PTPRT: variants seen among roughly 807,000 people sequenced by gnomAD.
PTPRT encodes protein tyrosine phosphatase receptor type T.
A neutral mutation model predicts 176.8 loss-of-function variants in PTPRT; 56 were observed. The ratio of observed to expected loss-of-function variants is 0.32; its 90% CI spans 0.26 to 0.40. The LOEUF (loss-of-function observed/expected upper bound fraction) is 0.40, where lower values mean the gene tolerates loss of function less well. PTPRT is among the 10% of genes least tolerant of loss of function. The pLI, the probability that PTPRT is intolerant of heterozygous loss-of-function variation, is 1.00. For missense variants in PTPRT, 1,540 were observed against 1,908.2 expected (o/e 0.81, Z 3.60); for synonymous variants, 783 against 739.0 (o/e 1.06, Z -0.96).
chr20:42,791,133 G>A (rs2077368199), intron 3 of PTPRT, 62 bp downstream of exon 3: 2 of 1,515,170 alleles, frequency 1.3e-6, no homozygotes, highest in South Asian at 2.7e-5. Flanking sequence ...CCTGTAGGGA[G>A]AGCAAAGGTG....
chr20:43,106,658 CAAAAAAAG>C (rs2012617481), intron 1 of PTPRT, among the ~76,000 whole-genome samples: 1 of 13,852 alleles, frequency 7.2e-5, no homozygotes, highest in African/African-American at 3.0e-4. Flanking sequence ...GACTCCATCT[CAAAAAAAG>C]AAAAAAAAAA....
intron 1 of PTPRT, among the ~76,000 whole-genome samples, chr20:43,069,034 A>G (rs2011148222): frequency 1.3e-5 from 2 of 152,186 alleles, no homozygotes; most frequent in Admixed American, 1.3e-4. Context: ...ATGCAGATAA[A>G]TGCATGCAGT....
intron 6 of PTPRT, among the ~76,000 whole-genome samples, chr20:42,749,278 C>T (rs2076736056): frequency 6.6e-6 from 1 of 152,144 alleles, no homozygotes; most frequent in Admixed American, 6.5e-5. Flanking sequence ...ACTTATCCAG[C>T]CCCAAACATG....
chr20:42,761,578 TAA>T (rs1424527158), intron 5 of PTPRT, among the ~76,000 whole-genome samples: 1 of 152,206 alleles, frequency 6.6e-6, no homozygotes, highest in Admixed American at 6.5e-5. Flanking sequence ...CAATGTCTGA[TAA>T]AGTGTGAGAT....
chr20:42,600,463 T>C (rs2073759228), intron 7 of PTPRT, among the ~76,000 whole-genome samples: 1 of 152,150 alleles, frequency 6.6e-6, no homozygotes, highest in African/African-American at 2.4e-5. Context: ...ATTATTATTT[T>C]TTACATTTTT....
At position 42,076,700 on chromosome 20, in the gene PTPRT, TGAACA is replaced by T. The variant is rs139461591; in HGVS notation, c.*4174_*4178del. ...TGACCTAGGGTCCGTCATAGCGGGG[TGAACA>T]GAACAGAACAACATGAGGAACAGAG... On this transcript the variant is annotated 3_prime_UTR_variant, in exon 31 of 31. Transcript: ENST00000373187. 19,276 of 201,452 alleles carry T rather than the reference TGAACA, an allele frequency of 0.096. 1,855 individuals are homozygous for T. Among genetic ancestry groups the T allele is most frequent in the African/African-American group, 0.27 (11,806 of 43,316 alleles). 12.5% of individuals were successfully genotyped at this position (201,452 alleles called of 1,614,324 possible). A position where few individuals can be genotyped will look rare whatever the true frequency, so the allele number is the denominator to read the frequency against.
chr20:42,781,445 G>A (rs989762934), intron 3 of PTPRT, among the ~76,000 whole-genome samples: 2 of 152,052 alleles, frequency 1.3e-5, no homozygotes, highest in Non-Finnish European at 2.9e-5. Flanking sequence ...ACCATCCCCT[G>A]CCTCTTCTTT....
intron 14 of PTPRT, among the ~76,000 whole-genome samples, chr20:42,248,145 G>C (rs566768095): frequency 2.0e-5 from 3 of 152,200 alleles, no homozygotes; most frequent in East Asian, 3.9e-4. Context: ...AGGTTCTGTG[G>C]GACAGGACAT....
At chr20:42,871,107 T>C (rs2145823878) in intron 2 of PTPRT, among the ~76,000 whole-genome samples, 1 of 152,012 alleles carries the variant, frequency 6.6e-6, no homozygotes, top group African/African-American at 2.4e-5. Flanking sequence ...CACGCCACCA[T>C]GCCTGACTAA....
At chr20:42,273,989 G>A (rs1193209202) in intron 13 of PTPRT, among the ~76,000 whole-genome samples, 3 of 152,236 alleles carry the variant, frequency 2.0e-5, no homozygotes, top group Non-Finnish European at 4.4e-5. Context: ...ATGCAGGAAT[G>A]GGGAGAGATT....
intron 2 of PTPRT, among the ~76,000 whole-genome samples, chr20:42,876,811 C>T (rs1042809280): frequency 1.3e-4 from 20 of 152,050 alleles, no homozygotes; most frequent in African/African-American, 4.6e-4. Flanking sequence ...CAGTCCATAC[C>T]CTGCAGCCAC....
At chr20:42,839,055 G>A (rs924385627) in intron 2 of PTPRT, among the ~76,000 whole-genome samples, 6 of 152,090 alleles carry the variant, frequency 3.9e-5, no homozygotes, top group African/African-American at 1.4e-4. Flanking sequence ...CCTCCTAGAG[G>A]CCAGGGCTCA....
chr20:42,738,567 A>G (rs943098101), intron 6 of PTPRT, among the ~76,000 whole-genome samples: 1 of 151,934 alleles, frequency 6.6e-6, no homozygotes, highest in Non-Finnish European at 1.5e-5. Context: ...TTATGAGCTC[A>G]TTTTTCTTCT....
intron 9 of PTPRT, among the ~76,000 whole-genome samples, chr20:42,383,813 T>A (rs1013854572): frequency 1.3e-5 from 2 of 152,130 alleles, no homozygotes; most frequent in Non-Finnish European, 2.9e-5. Flanking sequence ...CTCATCTCCA[T>A]CAGGGAGATA....
At chr20:43,120,710 G>A (rs1200227977) in intron 1 of PTPRT, among the ~76,000 whole-genome samples, 1 of 152,180 alleles carries the variant, frequency 6.6e-6, no homozygotes, top group African/African-American at 2.4e-5. Flanking sequence ...AGCAACAGGG[G>A]TCAAGTCTAC....
At chr20:42,220,346 G>A (rs997821782) in intron 15 of PTPRT, among the ~76,000 whole-genome samples, 23 of 152,180 alleles carry the variant, frequency 1.5e-4, no homozygotes, top group Non-Finnish European at 2.6e-4. Flanking sequence ...AAACCCAGTC[G>A]AAACTCAGCA....
intron 7 of PTPRT, among the ~76,000 whole-genome samples, chr20:42,481,890 G>C (rs147704353): frequency 7.2e-5 from 11 of 151,978 alleles, no homozygotes; most frequent in Non-Finnish European, 1.3e-4. Flanking sequence ...TTTCTCTGAG[G>C]TATGGGTTCT....
At chr20:42,776,512 C>A (rs2077137867) in intron 4 of PTPRT, among the ~76,000 whole-genome samples, 1 of 152,130 alleles carries the variant, frequency 6.6e-6, no homozygotes, top group Admixed American at 6.5e-5. Context: ...AAGGCAGCCA[C>A]CTGCAAGCAA....
chr20:42,802,666 T>A (rs957733965), intron 2 of PTPRT, among the ~76,000 whole-genome samples: 30 of 152,328 alleles, frequency 2.0e-4, no homozygotes, highest in Middle Eastern at 3.4e-3. Context: ...TATTTCCTTT[T>A]TTGAAGTAAG....
Sources: allele counts gnomAD v4.1 joint callset (sites outside exome capture counted in the v4.1 genomes callset), GRCh38; gene constraint gnomAD v4.1.1; transcripts MANE v1.5; gene names NCBI Gene and HGNC (gene_info 2026-07-23, HGNC 2026-07-21).